ARHGEF10: variants seen among roughly 807,000 people sequenced by gnomAD.
ARHGEF10 encodes the protein Rho guanine nucleotide exchange factor 10.
In ARHGEF10, 140 loss-of-function variants were observed where a neutral mutation model predicts 147.4. That is an observed-to-expected ratio of 0.95 (90% CI 0.83 to 1.09). The LOEUF is 1.09. ARHGEF10 is among the 50% of genes least tolerant of loss of function. The pLI, the probability that ARHGEF10 is intolerant of heterozygous loss-of-function variation, is 0.00. For synonymous variants in ARHGEF10, 902 were observed against 695.8 expected (o/e 1.30, Z -4.67); for missense variants, 2,222 against 1,752.7 (o/e 1.27, Z -4.78).
chr8:1,829,203 C>T (rs1020944166), intron 1 of ARHGEF10, among the ~76,000 whole-genome samples: 143 of 152,318 alleles, frequency 9.4e-4, no homozygotes, highest in Middle Eastern at 3.4e-3. Context: ...TAGACACAAC[C>T]CAGGGAGCTC....
intron 11 of ARHGEF10, among the ~76,000 whole-genome samples, chr8:1,886,907 G>A (rs572508929): frequency 2.0e-5 from 3 of 152,160 alleles, no homozygotes; most frequent in Non-Finnish European, 2.9e-5. Flanking sequence ...GATCTGGGCT[G>A]CCACACGTCC....
chr8:1,954,389 G>A (rs545217650), intron 28 of ARHGEF10, among the ~76,000 whole-genome samples: 94 of 152,226 alleles, frequency 6.2e-4, no homozygotes, highest in African/African-American at 2.2e-3. Flanking sequence ...ATGCTGAAAG[G>A]CAGTGCTCAT....
chr8:1,870,691 A>T (rs1375629662), intron 7 of ARHGEF10: 1 of 152,264 alleles, frequency 6.6e-6, no homozygotes, highest in Non-Finnish European at 1.5e-5. Flanking sequence ...ACTCATATGC[A>T]CCTAACAGCA....
chr8:1,883,114 C>G (rs558191012), intron 10 of ARHGEF10, among the ~76,000 whole-genome samples: 1 of 152,154 alleles, frequency 6.6e-6, no homozygotes, highest in Non-Finnish European at 1.5e-5. Context: ...AGGTCGTGAG[C>G]GTCCTGAACT....
intron 7 of ARHGEF10, among the ~76,000 whole-genome samples, chr8:1,874,142 AAGTG>A (rs1225923566): frequency 6.6e-6 from 1 of 152,242 alleles, no homozygotes; most frequent in African/African-American, 2.4e-5. Context: ...ATTCAAGAGG[AAGTG>A]AGTAATTCAC....
chr8:1,892,532 T>C (rs554680642), intron 11 of ARHGEF10, among the ~76,000 whole-genome samples: 1 of 152,146 alleles, frequency 6.6e-6, no homozygotes, highest in African/African-American at 2.4e-5. Flanking sequence ...GAAATTTCCG[T>C]TGTGAAAAAT....
At position 1,945,644 on chromosome 8, in the gene ARHGEF10, A is replaced by C; in HGVS notation, c.3386A>C (p.Asn1129Thr). ...ATCAACATCGCCACCCCTGTTCACA[A>C]CATGCTGCCAGGTAAGGGGACGGGA... ...QDINIATPVH[N>T]MLPGHQRLSV... Residue 1129 changes from asparagine (N) to threonine (T), a missense_variant, in exon 27 of 29, where the codon AAC becomes ACC. Transcript: ENST00000349830. 1 of 1,614,202 alleles carries C rather than the reference A, an allele frequency of 6.2e-7. No individual in the cohort carries two copies. Among genetic ancestry groups the C allele is most frequent in the African/African-American group, 1.3e-5 (1 of 75,068 alleles).
chr8:1,876,762 T>C (rs1270475167), intron 8 of ARHGEF10, 28 bp downstream of exon 8: 3 of 1,610,184 alleles, frequency 1.9e-6, no homozygotes, highest in Non-Finnish European at 2.5e-6. Flanking sequence ...ATGTGAGGGA[T>C]GGTTCTCTCG....
Position 1,839,263 on chromosome 8 carries a change from ACTGTCTGGTGTGGAAG to A in ARHGEF10, c.-47-4076_-47-4061del, listed in dbSNP as rs1174131151. Among the ~76,000 whole-genome samples, 54 of 109,578 alleles carry A rather than the reference ACTGTCTGGTGTGGAAG, an allele frequency of 4.9e-4. 1 individual carries two copies. Among genetic ancestry groups the A allele is most frequent in the South Asian group, 3.3e-3 (10 of 3,066 alleles). The allele number at this position is 109,578 out of a possible 152,430, so 71.9% of individuals were successfully genotyped here. A position where few individuals can be genotyped will look rare whatever the true frequency, so the allele number is the denominator to read the frequency against. On this transcript the variant is annotated intron_variant, in intron 1 of 28. Coordinates refer to ENST00000349830, the MANE Select transcript of ARHGEF10 (RefSeq NM_014629.4). ...GGTGTGGGGACTGTCCGCTGTGGGT[ACTGTCTGGTGTGGAAG>A]CTGTCTGGTGTGGGTACTGTCCGGT...
intron 1 of ARHGEF10, chr8:1,826,060 G>C (rs976549442): frequency 6.4e-7 from 1 of 1,568,360 alleles, no homozygotes; most frequent in South Asian, 1.1e-5. Context: ...TTATTTGCTG[G>C]CTTTAGCAGC....
chr8:1,842,059 C>T (rs1374954142), intron 1 of ARHGEF10, among the ~76,000 whole-genome samples: 1 of 136,580 alleles, frequency 7.3e-6, no homozygotes, highest in East Asian at 2.3e-4. Flanking sequence ...GCGGCGGGAA[C>T]TGGGGCCGCG....
intron 11 of ARHGEF10, among the ~76,000 whole-genome samples, chr8:1,891,568 C>T (rs1186995663): frequency 6.6e-6 from 1 of 152,200 alleles, no homozygotes; most frequent in Non-Finnish European, 1.5e-5. Flanking sequence ...CCATCCGCAG[C>T]TCTCCCAGCT....
chr8:1,879,857 A>G (rs957614341), intron 8 of ARHGEF10, among the ~76,000 whole-genome samples, 191 bp from the exon 9 acceptor site: 2 of 151,998 alleles, frequency 1.3e-5, no homozygotes, highest in Non-Finnish European at 2.9e-5. Flanking sequence ...CCAGCCAACT[A>G]TTTGTGCATT....
At position 1,953,429 on chromosome 8, in the gene ARHGEF10, G is replaced by C. The variant is rs79415055; in HGVS notation, c.3520+602G>C. 1.8e-4 allele frequency among the ~76,000 whole-genome samples: 28 copies of C among 152,310 alleles called. 1 individual carries two copies. The East Asian group carries it at 5.4e-3, about 30-fold the overall frequency. ...AGAAGGAAGCCGGGGATCCGAAAAG[G>C]CTCCATTGTGCTATTGCAATGTCAG... On this transcript the variant is annotated intron_variant, in intron 28 of 28. Transcript: ENST00000349830.
intron 18 of ARHGEF10, among the ~76,000 whole-genome samples, chr8:1,921,751 AG>A (rs1807467029): frequency 6.6e-6 from 1 of 152,132 alleles, no homozygotes; most frequent in Non-Finnish European, 1.5e-5. Flanking sequence ...AAAAGAAAAA[AG>A]AAAAAACAGA....
Position 1,952,774 on chromosome 8 carries a change from G to C in ARHGEF10, c.3467G>C (p.Gly1156Ala). The change falls in exon 28 of 29, where the codon GGA becomes GCA. Residue 1156 changes from glycine to alanine, a missense_variant. Gly to Ala is a moderately conservative substitution (Grantham distance 60). Coordinates refer to ENST00000349830, the MANE Select transcript of ARHGEF10 (RefSeq NM_014629.4). ...TTGCTGATGGTCGGCACCAGCCTGG[G>C]AGTCCTCGTGGCCCTGCCGGTCCCA... Reference protein sequence around the residue: ...HGLLMVGTSLGVLVALPVPRL... With the variant: ...HGLLMVGTSLAVLVALPVPRL... 6.2e-7 allele frequency: 1 copy of C among 1,613,652 alleles called. No individual in the cohort carries two copies. Among genetic ancestry groups the C allele is most frequent in the Non-Finnish European group, 8.5e-7 (1 of 1,180,050 alleles).
chr8:1,837,843 C>T (rs1253685220), intron 1 of ARHGEF10, among the ~76,000 whole-genome samples: 1 of 152,146 alleles, frequency 6.6e-6, no homozygotes, highest in East Asian at 1.9e-4. Flanking sequence ...GTTTCTTCAG[C>T]AGTTGAGAAA....
At chr8:1,951,015 C>A (rs1197721836) in intron 27 of ARHGEF10, among the ~76,000 whole-genome samples, 2 of 152,228 alleles carry the variant, frequency 1.3e-5, no homozygotes, top group African/African-American at 4.8e-5. Flanking sequence ...TATCTCACAT[C>A]CCTGCTCCCA....
At chr8:1,882,427 C>G (rs966362267) in intron 9 of ARHGEF10, among the ~76,000 whole-genome samples, 1 of 152,188 alleles carries the variant, frequency 6.6e-6, no homozygotes, top group Non-Finnish European at 1.5e-5. Flanking sequence ...ACATGTTTCA[C>G]CATGTCCAGG....
Sources: allele counts gnomAD v4.1 joint callset (sites outside exome capture counted in the v4.1 genomes callset), GRCh38; gene constraint gnomAD v4.1.1; transcripts MANE v1.5; gene names NCBI Gene and HGNC (gene_info 2026-07-23, HGNC 2026-07-21).